The following PODXL variants were observed in gnomAD, a reference collection of about 807,000 sequenced individuals.
PODXL encodes podocalyxin like, also known as podocalyxin.
Under a neutral mutation model 48.9 loss-of-function variants are expected in PODXL, and 20 were observed. The ratio of observed to expected loss-of-function variants is 0.41; its 90% CI spans 0.29 to 0.59. PODXL has a LOEUF of 0.59. PODXL is among the 20% of genes least tolerant of loss of function. PODXL has a pLI of 0.31. For missense variants in PODXL, 606 were observed against 675.1 expected (o/e 0.90, Z 1.13); for synonymous variants, 295 against 287.4 (o/e 1.03, Z -0.27).
chr7:131,515,484 C>G (rs1402818555), intron 1 of PODXL, among the ~76,000 whole-genome samples: 4 of 152,068 alleles, frequency 2.6e-5, no homozygotes, highest in Admixed American at 1.3e-4. Flanking sequence ...TCACTGCAAC[C>G]TCAGCCTCCC....
intron 1 of PODXL, among the ~76,000 whole-genome samples, chr7:131,541,937 A>C (rs1798490045): frequency 6.6e-6 from 1 of 152,130 alleles, no homozygotes; most frequent in Non-Finnish European, 1.5e-5. Context: ...AAACAGCTGA[A>C]CATTCATCCC....
intron 1 of PODXL, among the ~76,000 whole-genome samples, chr7:131,516,624 T>C (rs927572802): frequency 1.3e-5 from 2 of 152,208 alleles, no homozygotes; most frequent in African/African-American, 4.8e-5. Flanking sequence ...TTTACAAGGC[T>C]TTAAGCAACA....
intron 5 of PODXL, among the ~76,000 whole-genome samples, chr7:131,507,475 C>T (rs546685294): frequency 6.6e-6 from 1 of 152,304 alleles, no homozygotes; most frequent in South Asian, 2.1e-4. Context: ...TAGGGGCACC[C>T]CTCCCTGGGG....
rs372287534 is a variant in PODXL at position 131,553,957 on chromosome 7, T to C, written c.100+2303A>G. On this transcript the variant is annotated intron_variant, in intron 1 of 8. Coordinates refer to ENST00000378555, the MANE Select transcript of PODXL (RefSeq NM_001018111.3). ...TGAATTGTCCAACCCTTAAGGTGAA[T>C]GCTTTCTTTGCTGTAGGCTGCATAA... is the stretch of plus-strand genomic sequence containing the variant. Among the ~76,000 whole-genome samples the C allele has an allele frequency of 2.0e-5, 3 of 152,326 alleles. No homozygotes were observed. The East Asian group carries it at 5.8e-4, about 29-fold the overall frequency.
At chr7:131,552,823 G>C (rs959348392) in intron 1 of PODXL, among the ~76,000 whole-genome samples, 1 of 152,116 alleles carries the variant, frequency 6.6e-6, no homozygotes, top group Admixed American at 6.6e-5. Context: ...GTCTCCCTCT[G>C]TTGCCCAGGC....
At position 131,556,619 on chromosome 7, in the gene PODXL, C is replaced by A. The variant is rs1171270479; in HGVS notation, c.-260G>T. 3 of 250,506 alleles carry A rather than the reference C, an allele frequency of 1.2e-5. No homozygotes were observed. Among genetic ancestry groups the A allele is most frequent in the Non-Finnish European group, 2.2e-5 (3 of 135,678 alleles). 15.5% of individuals were successfully genotyped at this position (250,506 alleles called of 1,614,324 possible). ...GTCCTGGGCGGCGTCTGCGCGGCTG[C>A]GGCCCCACTGGCGGCTGCGGCTACT... On this transcript the variant is annotated 5_prime_UTR_variant, in exon 1 of 9. Coordinates refer to ENST00000378555, the MANE Select transcript of PODXL (RefSeq NM_001018111.3).
intron 1 of PODXL, among the ~76,000 whole-genome samples, chr7:131,536,219 G>A (rs1164609569): frequency 1.3e-5 from 2 of 152,196 alleles, no homozygotes; most frequent in African/African-American, 4.8e-5. Flanking sequence ...TACCTAAGCT[G>A]TCAGCTAGCT....
Position 131,511,186 on chromosome 7 carries a change from A to G in PODXL, c.348T>C (p.Pro116=). ...TCTTGGGGCTCTCGATGGTGGTAGT[A>G]GGGTTGCCTGAGCCGCCTCCTCTAG... The part of the protein sequence containing the change: ...TVARGGGSGN[P]TTTIESPKST... The change falls in exon 2 of 9, where the codon CCT becomes CCC. Residue 116 remains proline, a synonymous_variant. Transcript: ENST00000378555. 1 of 1,613,858 alleles carries G rather than the reference A, an allele frequency of 6.2e-7. No homozygotes were observed. Among genetic ancestry groups the G allele is most frequent in the Non-Finnish European group, 8.5e-7 (1 of 1,179,984 alleles).
chr7:131,532,557 C>T (rs1447853980), intron 1 of PODXL, among the ~76,000 whole-genome samples: 2 of 149,768 alleles, frequency 1.3e-5, no homozygotes, highest in Admixed American at 6.7e-5. Flanking sequence ...AGGTCCCCAT[C>T]TGGAAAATAG....
At chr7:131,532,251 C>T (rs1270974788) in intron 1 of PODXL, among the ~76,000 whole-genome samples, 6 of 149,874 alleles carry the variant, frequency 4.0e-5, no homozygotes, top group Admixed American at 2.7e-4. Flanking sequence ...CTGGCTAACA[C>T]GGTGAAACCC....
chr7:131,504,799 C>A (rs1246899938), intron 8 of PODXL, among the ~76,000 whole-genome samples: 1 of 152,202 alleles, frequency 6.6e-6, no homozygotes, highest in East Asian at 1.9e-4. Flanking sequence ...CCCCTTCATC[C>A]CTTCCCCCAA....
rs1000774042 is a variant in PODXL, at chr7:131,501,202, A to G, written c.*3109T>C. Reference sequence around the variant, plus strand: ...TTTTGTTTAAAAAAAAAAATCAAGCAAAAACTTGTCATTTCCAGTAAGACA... The same window carrying G: ...TTTTGTTTAAAAAAAAAAATCAAGCGAAAACTTGTCATTTCCAGTAAGACA... On this transcript the variant is annotated 3_prime_UTR_variant, in exon 9 of 9. Transcript: ENST00000378555. 1.3e-5 allele frequency: 2 copies of G among 152,618 alleles called. No individual in the cohort carries two copies. The highest frequency in any genetic ancestry group is 4.8e-5 in the African/African-American group (2 of 41,432). 9.5% of individuals were successfully genotyped at this position (152,618 alleles called of 1,614,324 possible).
At chr7:131,551,163 G>A (rs1276566261) in intron 1 of PODXL, among the ~76,000 whole-genome samples, 2 of 152,168 alleles carry the variant, frequency 1.3e-5, no homozygotes, top group African/African-American at 2.4e-5. Flanking sequence ...CCCGTCATTT[G>A]GCCTGTGCAG....
At chr7:131,518,029 G>A (rs988626442) in intron 1 of PODXL, among the ~76,000 whole-genome samples, 2 of 152,110 alleles carry the variant, frequency 1.3e-5, no homozygotes, top group Non-Finnish European at 1.5e-5. Flanking sequence ...GTGAGCCATC[G>A]GGGCCGGCCG....
rs1418164918 is a variant in PODXL at position 131,504,219 on chromosome 7, C to T, written c.*92G>A. The stretch of plus-strand genomic sequence containing the variant: ...GGGACACCCCTCGGAGTTCACTCTC[C>T]CTCCCCAGTCTTTCCCTTCCCCATC... On this transcript the variant is annotated 3_prime_UTR_variant, in exon 9 of 9. Coordinates refer to ENST00000378555, the MANE Select transcript of PODXL (RefSeq NM_001018111.3). The T allele has an allele frequency of 2.8e-6, 3 of 1,061,624 alleles. No homozygotes were observed. The highest frequency in any genetic ancestry group is 3.1e-5 in the African/African-American group (2 of 64,288). The allele number at this position is 1,061,624 out of a possible 1,614,324, so 65.8% of individuals were successfully genotyped here.
chr7:131,556,411 T>C lies in PODXL; in HGVS notation c.-52A>G, dbSNP rs1268784357. On this transcript the variant is annotated 5_prime_UTR_variant, in exon 1 of 9. Transcript: ENST00000378555. Reference sequence around the variant, plus strand: ...AGGTGGCTGCGGTGCCGGCGGAGGATCCGCGCGTCCGGGCGGTAGGAGCGT... The same window carrying C: ...AGGTGGCTGCGGTGCCGGCGGAGGACCCGCGCGTCCGGGCGGTAGGAGCGT... 1 of 1,329,590 alleles carries C rather than the reference T, an allele frequency of 7.5e-7. No homozygotes were observed. Among genetic ancestry groups the C allele is most frequent in the Non-Finnish European group, 9.6e-7 (1 of 1,041,500 alleles). 82.4% of individuals were successfully genotyped at this position (1,329,590 alleles called of 1,614,324 possible).
intron 1 of PODXL, among the ~76,000 whole-genome samples, chr7:131,551,204 T>A (rs1194917371): frequency 6.6e-6 from 1 of 152,190 alleles, no homozygotes; most frequent in Non-Finnish European, 1.5e-5. Flanking sequence ...ATCTGCTACA[T>A]CACTTGATTT....
chr7:131,551,681 G>A (rs1053693256), intron 1 of PODXL, among the ~76,000 whole-genome samples: 7 of 151,190 alleles, frequency 4.6e-5, no homozygotes, highest in Non-Finnish European at 7.4e-5. Context: ...TCATGCCTGT[G>A]ATCCCAGCAC....
intron 1 of PODXL, among the ~76,000 whole-genome samples, chr7:131,516,140 A>T (rs1284084976): frequency 6.6e-6 from 1 of 152,256 alleles, no homozygotes; most frequent in East Asian, 1.9e-4. Context: ...AGCTACAGGT[A>T]GTTCTCATTG....
Sources: allele counts gnomAD v4.1 joint callset (sites outside exome capture counted in the v4.1 genomes callset), GRCh38; gene constraint gnomAD v4.1.1; transcripts MANE v1.5; gene names NCBI Gene and HGNC (gene_info 2026-07-23, HGNC 2026-07-21).